Variants in KCNIP4 observed in about 807,000 individuals in gnomAD.
The protein encoded by KCNIP4 is potassium voltage-gated channel interacting protein 4.
A neutral mutation model predicts 34.0 loss-of-function variants in KCNIP4; 12 were observed. The ratio of observed to expected loss-of-function variants is 0.35; its 90% CI spans 0.23 to 0.57. The LOEUF (loss-of-function observed/expected upper bound fraction) is 0.57. Among genes scored for constraint, KCNIP4 ranks in the 20% least tolerant of loss-of-function variants. The probability of loss-of-function intolerance (pLI) is 0.83; values close to 1 mark genes in which losing one functional copy is unlikely to be tolerated. For missense variants in KCNIP4, 238 were observed against 311.7 expected, an observed-to-expected ratio of 0.76 and a Z score of 1.78; for synonymous variants, 124 against 102.2, an observed-to-expected ratio of 1.21 and a Z score of -1.29.
At chr4:21,332,456 C>T (rs1371783462) in intron 1 of KCNIP4, among the ~76,000 whole-genome samples, 1 of 151,976 alleles carries the variant, frequency 6.6e-6, no homozygotes, top group African/African-American at 2.4e-5. Context: ...CATGGAATAA[C>T]TCAGAGATAT....
At chr4:21,062,536 G>A (rs544752834) in intron 1 of KCNIP4, among the ~76,000 whole-genome samples, 1 of 151,950 alleles carries the variant, frequency 6.6e-6, no homozygotes, top group African/African-American at 2.4e-5. Flanking sequence ...GTGCATGTGT[G>A]TGTGTGTGTG....
At chr4:21,776,481 T>C (rs572113921) in intron 1 of KCNIP4, among the ~76,000 whole-genome samples, 2 of 152,314 alleles carry the variant, frequency 1.3e-5, no homozygotes, top group East Asian at 3.9e-4. Flanking sequence ...TGAACAGGCC[T>C]GGGTATCACA....
At chr4:21,193,627 A>G (rs1054914944) in intron 1 of KCNIP4, among the ~76,000 whole-genome samples, 4 of 138,040 alleles carry the variant, frequency 2.9e-5, no homozygotes, top group Admixed American at 7.7e-5. Context: ...GCTGGAGTGC[A>G]GTGGCGCAAT....
chr4:21,457,570 GAA>G (rs1729063326), intron 1 of KCNIP4, among the ~76,000 whole-genome samples: 1 of 151,942 alleles, frequency 6.6e-6, no homozygotes, highest in African/African-American at 2.4e-5. Context: ...GGTGGGACTA[GAA>G]AAGAGTAGAG....
chr4:21,303,835 C>T (rs1712036298), intron 1 of KCNIP4: 1 of 1,614,046 alleles, frequency 6.2e-7, no homozygotes. Flanking sequence ...TCAGCCCAAA[C>T]TGTTCCAATA....
intron 1 of KCNIP4, among the ~76,000 whole-genome samples, chr4:20,976,103 G>A (rs921164187): frequency 5.9e-5 from 9 of 152,276 alleles, no homozygotes; most frequent in African/African-American, 2.2e-4. Flanking sequence ...ACTTGGCACA[G>A]AACACACTGC....
intron 1 of KCNIP4, among the ~76,000 whole-genome samples, chr4:21,721,962 G>A (rs954277770): frequency 6.6e-6 from 1 of 152,186 alleles, no homozygotes; most frequent in African/African-American, 2.4e-5. Flanking sequence ...AACACTGCCT[G>A]TGTGTATGTT....
chr4:21,238,031 A>G (rs1577940581), intron 1 of KCNIP4, among the ~76,000 whole-genome samples: 1 of 152,158 alleles, frequency 6.6e-6, no homozygotes, highest in Non-Finnish European at 1.5e-5. Context: ...CTTATCCACC[A>G]TGATCAAGTG....
chr4:21,856,646 G>A (rs1724779065), intron 1 of KCNIP4, among the ~76,000 whole-genome samples: 1 of 152,124 alleles, frequency 6.6e-6, no homozygotes, highest in Non-Finnish European at 1.5e-5. Flanking sequence ...ACCTTCCCGG[G>A]CACACCTACA....
intron 1 of KCNIP4, among the ~76,000 whole-genome samples, chr4:21,516,464 C>T (rs1285681042): frequency 6.6e-6 from 1 of 152,142 alleles, no homozygotes; most frequent in Non-Finnish European, 1.5e-5. Context: ...ACAGGAGAGA[C>T]AAGATTGGTG....
chr4:21,791,195 C>T (rs1198041072), intron 1 of KCNIP4, among the ~76,000 whole-genome samples: 1 of 151,996 alleles, frequency 6.6e-6, no homozygotes, highest in African/African-American at 2.4e-5. Flanking sequence ...GGGGCTGCAG[C>T]TGCTGACTTC....
intron 1 of KCNIP4, among the ~76,000 whole-genome samples, chr4:21,236,880 G>C (rs888225870): frequency 6.6e-6 from 1 of 151,482 alleles, no homozygotes; most frequent in African/African-American, 2.4e-5. Context: ...ATTAGCAGGT[G>C]CCTGTAATGC....
chr4:21,584,533 G>A (rs1369268601), intron 1 of KCNIP4, among the ~76,000 whole-genome samples: 2 of 151,970 alleles, frequency 1.3e-5, no homozygotes, highest in African/African-American at 2.4e-5. Context: ...AGTATAGAGA[G>A]CAAATTGGCC....
intron 1 of KCNIP4, among the ~76,000 whole-genome samples, chr4:21,260,465 G>C (rs1378576883): frequency 6.6e-6 from 1 of 152,172 alleles, no homozygotes; most frequent in South Asian, 2.1e-4. Context: ...CCATGACGTA[G>C]TTTGCGAGAA....
At chr4:21,395,331 C>T (rs1826738) in intron 1 of KCNIP4, among the ~76,000 whole-genome samples, 115,717 of 152,018 alleles carry the variant, frequency 0.76, 45,875 homozygotes, top group Non-Finnish European at 0.89. Context: ...CATACACAAA[C>T]ATTATTATCA....
intron 2 of KCNIP4, among the ~76,000 whole-genome samples, chr4:20,879,723 C>A (rs566758620): frequency 6.6e-6 from 1 of 152,098 alleles, no homozygotes; most frequent in African/African-American, 2.4e-5. Context: ...GAATATTATG[C>A]CTAAATAACA....
chr4:20,979,771 C>G (rs1390058287), intron 1 of KCNIP4, among the ~76,000 whole-genome samples: 1 of 150,786 alleles, frequency 6.6e-6, no homozygotes, highest in Non-Finnish European at 1.5e-5. Context: ...ATGGATCTGT[C>G]CCACTTGCTC....
chr4:21,512,047 G>C (rs552900739), intron 1 of KCNIP4, among the ~76,000 whole-genome samples: 7 of 145,736 alleles, frequency 4.8e-5, no homozygotes, highest in African/African-American at 1.8e-4. Flanking sequence ...AGGAGGGAAG[G>C]AAAAAGAATG....
At chr4:21,641,172 A>G (rs1184286623) in intron 1 of KCNIP4, among the ~76,000 whole-genome samples, 2 of 152,230 alleles carry the variant, frequency 1.3e-5, no homozygotes, top group African/African-American at 4.8e-5. Flanking sequence ...AGAGGGCCCT[A>G]AATGCACAAG....
Sources: allele counts gnomAD v4.1 joint callset (sites outside exome capture counted in the v4.1 genomes callset), GRCh38; gene constraint gnomAD v4.1.1; transcripts MANE v1.5; gene names NCBI Gene and HGNC (gene_info 2026-07-23, HGNC 2026-07-21).